FBXO34: variants seen among roughly 807,000 people sequenced by gnomAD.
The protein encoded by FBXO34 is F-box only protein 34.
Under a neutral mutation model 24.5 loss-of-function variants are expected in FBXO34, and 12 were observed. That is an observed-to-expected ratio of 0.49 (90% CI 0.31 to 0.79). The LOEUF (loss-of-function observed/expected upper bound fraction) is 0.79. FBXO34 is among the 30% of genes least tolerant of loss of function. The pLI is 0.04. For synonymous variants in FBXO34, 320 were observed against 311.9 expected (o/e 1.03, Z -0.27); for missense variants, 823 against 857.7 (o/e 0.96, Z 0.51).
chr14:55,365,218 A>G (rs764909090), downstream of FBXO34, among the ~76,000 whole-genome samples: 1 of 139,404 alleles, frequency 7.2e-6, no homozygotes, highest in African/African-American at 2.6e-5. Flanking sequence ...CATCTCTTCT[A>G]TCATCTCAAA....
At chr14:55,345,734 G>A (rs867986657) in intron 1 of FBXO34, among the ~76,000 whole-genome samples, 179 of 152,100 alleles carry the variant, frequency 1.2e-3, no homozygotes, top group Middle Eastern at 3.4e-3. Context: ...GGGTGTGGTG[G>A]CTCACTCCTG....
chr14:55,300,197 G>T (rs528094573), intron 1 of FBXO34, among the ~76,000 whole-genome samples: 5 of 152,162 alleles, frequency 3.3e-5, no homozygotes, highest in African/African-American at 1.2e-4. Context: ...CCTTGCAGTT[G>T]GTTGGTAATG....
At chr14:55,370,503 A>T (rs914104126), downstream of FBXO34, among the ~76,000 whole-genome samples, 1 of 152,206 alleles carries the variant, frequency 6.6e-6, no homozygotes, top group African/African-American at 2.4e-5. Context: ...GTATTTCAGG[A>T]GAAAACAATT....
chr14:55,424,296 A>T, the FBXO34 span: 2 of 1,316,006 alleles, frequency 1.5e-6, no homozygotes, highest in Non-Finnish European at 1.1e-6. Flanking sequence ...AGCACTATTC[A>T]GCTCCTTTCC....
the FBXO34 span, chr14:55,411,718 C>T: frequency 3.1e-6 from 5 of 1,612,222 alleles, no homozygotes; most frequent in South Asian, 3.3e-5. Context: ...CCACGTACAG[C>T]CCCTCCGCAT....
the FBXO34 span, among the ~76,000 whole-genome samples, chr14:55,392,786 T>G: frequency 2.6e-5 from 4 of 152,058 alleles, no homozygotes; most frequent in Non-Finnish European, 5.9e-5. Flanking sequence ...CTAAGTAGTC[T>G]GATGGTAAGA....
chr14:55,375,479 C>G, the FBXO34 span, among the ~76,000 whole-genome samples: 1 of 149,604 alleles, frequency 6.7e-6, no homozygotes, highest in African/African-American at 2.5e-5. Flanking sequence ...TGCATTACCA[C>G]GCCGGGCTAA....
At chr14:55,324,082 C>G (rs1020198878) in intron 1 of FBXO34, among the ~76,000 whole-genome samples, 9 of 151,988 alleles carry the variant, frequency 5.9e-5, no homozygotes, top group Non-Finnish European at 1.2e-4. Context: ...AGCAGTTACC[C>G]TGCATTCCCT....
chr14:55,442,495 C>T, the FBXO34 span, among the ~76,000 whole-genome samples: 2 of 151,978 alleles, frequency 1.3e-5, no homozygotes, highest in African/African-American at 2.4e-5. Context: ...TGTCTCTGTA[C>T]CAAGCTTATC....
the FBXO34 span, among the ~76,000 whole-genome samples, chr14:55,433,095 A>G: frequency 6.6e-6 from 1 of 152,088 alleles, no homozygotes; most frequent in Non-Finnish European, 1.5e-5. Flanking sequence ...TCGGTTTAAT[A>G]GGGGAAACTG....
chr14:55,315,594 G>C lies in FBXO34; in HGVS notation c.-10-34787G>C, dbSNP rs577433188. Reference sequence around the variant, plus strand: ...TAATAGGCTGAAAATGTCTTACTCTGTTCTTACTCTTAATCGATTGTATGG... The same window carrying C: ...TAATAGGCTGAAAATGTCTTACTCTCTTCTTACTCTTAATCGATTGTATGG... On this transcript the variant is annotated intron_variant, in intron 1 of 1. Coordinates refer to ENST00000313833, the MANE Select transcript of FBXO34 (RefSeq NM_017943.4). 3.9e-5 allele frequency among the ~76,000 whole-genome samples: 6 copies of C among 152,286 alleles called. No homozygotes were observed. In the South Asian group the frequency reaches 1.2e-3, roughly 32 times the overall value.
At chr14:55,435,906 A>C in the FBXO34 span, 1 of 1,584,432 alleles carries the variant, frequency 6.3e-7, no homozygotes, top group Non-Finnish European at 8.5e-7. Flanking sequence ...TCCAACTTAC[A>C]GGCCAGGTTT....
the FBXO34 span, chr14:55,433,521 A>G: frequency 3.9e-6 from 4 of 1,021,188 alleles, no homozygotes; most frequent in Non-Finnish European, 5.9e-6. Flanking sequence ...TCTTCAGCAA[A>G]GAAAGGCATT....
intron 1 of FBXO34, among the ~76,000 whole-genome samples, chr14:55,284,373 C>T (rs1192752175): frequency 2.0e-5 from 3 of 151,736 alleles, no homozygotes; most frequent in Admixed American, 1.3e-4. Context: ...ATTAGCCGGG[C>T]GTGGTGGTAC....
At chr14:55,323,415 G>A (rs903419547) in intron 1 of FBXO34, among the ~76,000 whole-genome samples, 1 of 147,420 alleles carries the variant, frequency 6.8e-6, no homozygotes, top group African/African-American at 2.5e-5. Context: ...ATGTAATCTC[G>A]CTCTGTCCCC....
At chr14:55,428,053 A>G in the FBXO34 span, among the ~76,000 whole-genome samples, 3 of 134,186 alleles carry the variant, frequency 2.2e-5, no homozygotes, top group Admixed American at 1.5e-4. Context: ...CTTCTCCCCA[A>G]TCCATTCTCC....
At chr14:55,439,504 G>C in the FBXO34 span, among the ~76,000 whole-genome samples, 1 of 35,172 alleles carries the variant, frequency 2.8e-5, no homozygotes, top group Non-Finnish European at 5.6e-5. Context: ...AGAACCAGGC[G>C]GGGGGCCAGG....
chr14:55,317,723 C>T lies in FBXO34; in HGVS notation c.-10-32658C>T, dbSNP rs531765496. On this transcript the variant is annotated intron_variant, in intron 1 of 1. Coordinates refer to ENST00000313833, the MANE Select transcript of FBXO34 (RefSeq NM_017943.4). ...AATCAGCAAATACTACAAACAACTGCCCTCATTCTCCCCATTACCCCTTCC... is the reference window on the plus strand; with the variant it reads ...AATCAGCAAATACTACAAACAACTGTCCTCATTCTCCCCATTACCCCTTCC... 1.3e-5 allele frequency among the ~76,000 whole-genome samples: 2 copies of T among 152,284 alleles called. 1 individual carries two copies. The highest frequency in any genetic ancestry group is 4.8e-5 in the African/African-American group (2 of 41,568).
At chr14:55,322,741 GTTTATA>G (rs998398383) in intron 1 of FBXO34, among the ~76,000 whole-genome samples, 1 of 152,042 alleles carries the variant, frequency 6.6e-6, no homozygotes, top group African/African-American at 2.4e-5. Context: ...AAAGTTTAAC[GTTTATA>G]TTTAGATATG....
Sources: allele counts gnomAD v4.1 joint callset (sites outside exome capture counted in the v4.1 genomes callset), GRCh38; gene constraint gnomAD v4.1.1; transcripts MANE v1.5; gene names NCBI Gene and HGNC (gene_info 2026-07-23, HGNC 2026-07-21).